PSD2: variants seen among roughly 807,000 people sequenced by gnomAD.
PSD2 encodes the protein pleckstrin and Sec7 domain containing 2.
In PSD2, 38 loss-of-function variants were observed where a neutral mutation model predicts 69.8. The observed-to-expected ratio is 0.54, with a 90% confidence interval of 0.42 to 0.71. PSD2 has a LOEUF of 0.71. PSD2 is among the 30% of genes least tolerant of loss of function. PSD2 has a pLI of 0.00. For missense variants in PSD2, 943 were observed against 1,014.5 expected, an observed-to-expected ratio of 0.93 and a Z score of 0.96; for synonymous variants, 412 against 423.0, an observed-to-expected ratio of 0.97 and a Z score of 0.32.
chr5:139,788,210 C>G, the PSD2 span, among the ~76,000 whole-genome samples: 1 of 151,534 alleles, frequency 6.6e-6, no homozygotes, highest in African/African-American at 2.4e-5. Context: ...CAGGCCTGGC[C>G]CGGCTCCCCC....
chr5:139,831,477 G>A (rs531095782), intron 7 of PSD2, among the ~76,000 whole-genome samples: 1 of 150,210 alleles, frequency 6.7e-6, no homozygotes, highest in Non-Finnish European at 1.5e-5. Flanking sequence ...TTCTTCTTTT[G>A]CCTACTTTTG....
chr5:139,823,942 G>T (rs541804704), intron 7 of PSD2, among the ~76,000 whole-genome samples: 1 of 152,196 alleles, frequency 6.6e-6, no homozygotes, highest in Non-Finnish European at 1.5e-5. Context: ...CAGTGCCTGC[G>T]TCAGGAAGAG....
chr5:139,764,765 C>T, the PSD2 span, among the ~76,000 whole-genome samples: 2 of 152,168 alleles, frequency 1.3e-5, no homozygotes, highest in African/African-American at 4.8e-5. Context: ...CTTTACTTCC[C>T]ACCTCATCTG....
chr5:139,790,918 G>C (rs1051233765), upstream of PSD2, among the ~76,000 whole-genome samples: 1 of 151,876 alleles, frequency 6.6e-6, no homozygotes, highest in Non-Finnish European at 1.5e-5. Context: ...TTGGGTGGGG[G>C]GGAGCGCCTA....
chr5:139,818,097 T>C (rs1409575951), intron 5 of PSD2, among the ~76,000 whole-genome samples: 1 of 152,090 alleles, frequency 6.6e-6, no homozygotes, highest in East Asian at 1.9e-4. Context: ...GGTGCAGCCC[T>C]GTAGTATCTA....
chr5:139,822,832 C>A (rs763647973), intron 7 of PSD2, 48 bp downstream of exon 7: 3 of 1,513,596 alleles, frequency 2.0e-6, no homozygotes, highest in South Asian at 2.5e-5. Context: ...CTCAGGGACC[C>A]ACCTTGTGTT....
At position 139,809,576 on chromosome 5, in the gene PSD2, C is replaced by G; in HGVS notation, c.136C>G (p.Pro46Ala). ...GGGCCTGAACAGCAGCCTCTGCAGCCCAGGGCACGAGCGAAGGGGCACCCC... is the reference window on the plus strand; with the variant it reads ...GGGCCTGAACAGCAGCCTCTGCAGCGCAGGGCACGAGCGAAGGGGCACCCC... Reference protein sequence around the residue: ...SEGLNSSLCSPGHERRGTPAD... With the variant: ...SEGLNSSLCSAGHERRGTPAD... Residue 46 changes from proline to alanine, a missense_variant, in exon 2 of 15, where the codon CCA becomes GCA. Physicochemically the swap from Pro to Ala is conservative, Grantham distance 27. Transcript: ENST00000274710. 6.2e-7 allele frequency: 1 copy of G among 1,614,130 alleles called. No individual in the cohort carries two copies.
intron 7 of PSD2, among the ~76,000 whole-genome samples, chr5:139,826,491 AGT>A (rs1760424270): frequency 6.6e-6 from 1 of 152,162 alleles, no homozygotes; most frequent in African/African-American, 2.4e-5. Context: ...TTCATAAGAA[AGT>A]GAGGCAGAAA....
the PSD2 span, among the ~76,000 whole-genome samples, chr5:139,784,121 T>C: frequency 2.0e-5 from 3 of 151,646 alleles, no homozygotes; most frequent in Non-Finnish European, 4.4e-5. Context: ...TTGTATTTTT[T>C]GCAGAGAGGG....
chr5:139,800,297 A>G (rs987698342), intron 1 of PSD2, among the ~76,000 whole-genome samples: 1 of 152,238 alleles, frequency 6.6e-6, no homozygotes, highest in South Asian at 2.1e-4. Flanking sequence ...AACTGCCCTG[A>G]CTGTTCTCAC....
chr5:139,833,112 C>T lies in PSD2; in HGVS notation c.1270-590C>T, dbSNP rs551325176. On this transcript the variant is annotated intron_variant, in intron 7 of 14. Coordinates refer to ENST00000274710, the MANE Select transcript of PSD2 (RefSeq NM_032289.4). ...CTGCCCCTCTGTGCAGGTGAGAGGG[C>T]GAGACAGTTGTGGCAGAATATGCAG... is the stretch of plus-strand genomic sequence containing the variant. Among the ~76,000 whole-genome samples the T allele has an allele frequency of 7.5e-4, 114 of 152,194 alleles. 2 individuals are homozygous for T. The highest frequency in any genetic ancestry group is 3.3e-3 in the East Asian group (17 of 5,182).
intron 5 of PSD2, 68 bp downstream of exon 5, chr5:139,817,629 C>T (rs1483065396): frequency 3.8e-6 from 5 of 1,325,678 alleles, no homozygotes; most frequent in African/African-American, 2.9e-5. Flanking sequence ...CTCATGTCAA[C>T]TCTACCATAA....
chr5:139,790,069 T>C, the PSD2 span, among the ~76,000 whole-genome samples: 1 of 151,738 alleles, frequency 6.6e-6, no homozygotes, highest in East Asian at 1.9e-4. Flanking sequence ...TGCAGGAGAA[T>C]GAGGTCAGAG....
chr5:139,795,153 C>G (rs556567803), upstream of PSD2, among the ~76,000 whole-genome samples: 46 of 152,240 alleles, frequency 3.0e-4, no homozygotes, highest in Non-Finnish European at 8.8e-5. This position sits in a 1 kb window ranked among gnomAD's most constrained non-coding sequence, Gnocchi z 4.5. Context: ...TCCTTTGTCT[C>G]TTTCTCCTCT....
the PSD2 span, among the ~76,000 whole-genome samples, chr5:139,764,935 G>C: frequency 4.3e-4 from 65 of 152,234 alleles, no homozygotes; most frequent in African/African-American, 1.6e-3. Flanking sequence ...GTTGTGAGGG[G>C]CACTGAGGCA....
In PSD2 at chr5:139,822,721, C is replaced by A; in HGVS notation, c.1211-5C>A. ...GCACTGAGAGTGCCACCATCTCTGA[C>A]TCAGATGGGATCCACACGCTCACCT... On this transcript the variant is annotated splice_region_variant and splice_polypyrimidine_tract_variant and intron_variant, in intron 6 of 14. Coordinates refer to ENST00000274710, the MANE Select transcript of PSD2 (RefSeq NM_032289.4). The A allele has an allele frequency of 2.5e-6, 4 of 1,608,690 alleles. No homozygotes were observed. Among genetic ancestry groups the A allele is most frequent in the South Asian group, 2.2e-5 (2 of 90,166 alleles).
At position 139,814,921 on chromosome 5, in the gene PSD2, A is replaced by G. The variant is rs1487629258; in HGVS notation, c.1016+557A>G. Among the ~76,000 whole-genome samples, 1 of 152,168 alleles carries G rather than the reference A, an allele frequency of 6.6e-6. No homozygotes were observed. The highest frequency in any genetic ancestry group is 1.5e-5 in the Non-Finnish European group (1 of 68,020). ...ACAGGCGGGATTGCAGGACCGAGGA[A>G]GTCTGCCGGCACATTCTGCTCACAT... On this transcript the variant is annotated intron_variant, in intron 4 of 14. Coordinates refer to ENST00000274710, the MANE Select transcript of PSD2 (RefSeq NM_032289.4). The surrounding 1 kb of genome is among the most constrained non-coding windows in gnomAD (Gnocchi z 4.4).
Position 139,822,785 on chromosome 5 carries a change from G to T in PSD2, c.1269+1G>T. ...GCTCAACACGGACCTGCACGGCCAC[G>T]TGAGTTGGGGAGGTGACGGGGGGTG... On this transcript the variant is annotated splice_donor_variant, in intron 7 of 14. Transcript: ENST00000274710. LOFTEE classifies it high-confidence loss of function. The T allele has an allele frequency of 6.2e-7, 1 of 1,605,458 alleles. No individual in the cohort carries two copies. The highest frequency in any genetic ancestry group is 8.5e-7 in the Non-Finnish European group (1 of 1,175,752).
intron 1 of PSD2, among the ~76,000 whole-genome samples, chr5:139,805,369 G>C (rs1289433264): frequency 6.6e-6 from 1 of 152,186 alleles, no homozygotes; most frequent in Non-Finnish European, 1.5e-5. Flanking sequence ...ATCTCTCTTA[G>C]CCTCTGCCAC....
Sources: allele counts gnomAD v4.1 joint callset (sites outside exome capture counted in the v4.1 genomes callset), GRCh38; gene constraint gnomAD v4.1.1; non-coding constraint Gnocchi (gnomAD v3.1); transcripts MANE v1.5; gene names NCBI Gene and HGNC (gene_info 2026-07-23, HGNC 2026-07-21).